SCN8A: variants seen among roughly 807,000 people sequenced by gnomAD.
SCN8A encodes sodium channel protein type 8 subunit alpha.
A neutral mutation model predicts 184.1 loss-of-function variants in SCN8A; 30 were observed. The ratio of observed to expected loss-of-function variants is 0.16; its 90% confidence interval spans 0.12 to 0.22. SCN8A has a LOEUF of 0.22. Among genes scored for constraint, SCN8A ranks in the 10% least tolerant of loss-of-function variants. SCN8A has a pLI of 1.00. For missense variants in SCN8A, 1,057 were observed against 2,498.9 expected (o/e 0.42, Z 12.30); for synonymous variants, 852 against 907.0 (o/e 0.94, Z 1.09).
intron 3 of SCN8A, 81 bp downstream of exon 3, chr12:51,684,373 T>C: frequency 3.9e-6 from 3 of 762,152 alleles, no homozygotes; most frequent in Non-Finnish European, 7.1e-6. Flanking sequence ...ACAACTGGAT[T>C]ATATGTTAAG....
intron 5 of SCN8A, chr12:51,688,727 A>C: frequency 6.6e-7 from 1 of 1,513,770 alleles, no homozygotes; most frequent in African/African-American, 1.4e-5. Context: ...CAGTGGTACC[A>C]TTACAAGTTA....
At chr12:51,803,358 C>T (rs181886959) in intron 26 of SCN8A, among the ~76,000 whole-genome samples, 3 of 151,968 alleles carry the variant, frequency 2.0e-5, no homozygotes, top group East Asian at 1.9e-4. Flanking sequence ...AGTTGGCAGC[C>T]GATTAGATGG....
chr12:51,648,310 C>T (rs1009402267), intron 1 of SCN8A, among the ~76,000 whole-genome samples: 14 of 152,224 alleles, frequency 9.2e-5, no homozygotes, highest in Admixed American at 1.3e-4. Context: ...TCAAGAAACC[C>T]TCCTGCCTCA....
At chr12:51,793,427 T>A (rs1190103607) in intron 25 of SCN8A, among the ~76,000 whole-genome samples, 1 of 152,030 alleles carries the variant, frequency 6.6e-6, no homozygotes, top group Non-Finnish European at 1.5e-5. Context: ...AAGTTTGAGA[T>A]GCTTATGAGT....
intron 15 of SCN8A, among the ~76,000 whole-genome samples, chr12:51,763,045 A>T (rs991756644): frequency 1.3e-5 from 2 of 152,322 alleles, no homozygotes; most frequent in South Asian, 4.1e-4. Flanking sequence ...CTATTTTTTT[A>T]AATCTGAACA....
chr12:51,618,067 C>T (rs958275427), intron 1 of SCN8A, among the ~76,000 whole-genome samples: 2 of 152,136 alleles, frequency 1.3e-5, no homozygotes, highest in African/African-American at 2.4e-5. Context: ...ATCCTGCTAC[C>T]CTGCCTAGAA....
chr12:51,800,002 C>T (rs539240701), intron 26 of SCN8A, among the ~76,000 whole-genome samples: 4 of 152,316 alleles, frequency 2.6e-5, no homozygotes, highest in Admixed American at 1.3e-4. Context: ...TGGGTCCAGT[C>T]GGCATAATGT....
At chr12:51,603,874 T>C (rs77913380) in intron 1 of SCN8A, among the ~76,000 whole-genome samples, 1,648 of 152,320 alleles carry the variant, frequency 0.011, 14 homozygotes, top group Non-Finnish European at 0.016. Flanking sequence ...TCTGTTGAAA[T>C]GTTTTGCCCA....
chr12:51,700,131 A>G (rs1941660440), intron 7 of SCN8A, among the ~76,000 whole-genome samples: 1 of 149,182 alleles, frequency 6.7e-6, no homozygotes, highest in South Asian at 2.1e-4. Context: ...ACGCCATTGT[A>G]CTCCAGCCTG....
intron 1 of SCN8A, among the ~76,000 whole-genome samples, chr12:51,596,375 G>A (rs953449098): frequency 1.3e-5 from 2 of 152,126 alleles, no homozygotes; most frequent in Admixed American, 6.5e-5. Context: ...ACTGAGTATC[G>A]AAGAGCTTAA....
At chr12:51,687,406 A>G (rs1405537133) in intron 5 of SCN8A, among the ~76,000 whole-genome samples, 187 bp downstream of exon 5, 1 of 152,142 alleles carries the variant, frequency 6.6e-6, no homozygotes, top group Non-Finnish European at 1.5e-5. Context: ...GGTTCAGGCG[A>G]TGATAATGTG....
chr12:51,763,996 T>G (rs532125848), intron 15 of SCN8A, among the ~76,000 whole-genome samples: 2 of 152,208 alleles, frequency 1.3e-5, no homozygotes, highest in Non-Finnish European at 2.9e-5. Flanking sequence ...ACTCTTTGGT[T>G]AGGATCCAGT....
intron 15 of SCN8A, among the ~76,000 whole-genome samples, chr12:51,763,467 G>A (rs1942792562): frequency 6.6e-6 from 1 of 152,194 alleles, no homozygotes. Context: ...TTTACTTACA[G>A]CAGTTTCAAC....
At chr12:51,674,155 G>A (rs1941180937) in intron 2 of SCN8A, among the ~76,000 whole-genome samples, 1 of 152,120 alleles carries the variant, frequency 6.6e-6, no homozygotes. Flanking sequence ...GCATCCTAAG[G>A]GGTTTTGTTT....
intron 12 of SCN8A, among the ~76,000 whole-genome samples, chr12:51,727,676 T>A (rs1354708524): frequency 6.6e-6 from 1 of 152,198 alleles, no homozygotes; most frequent in Non-Finnish European, 1.5e-5. Context: ...TTCAGTTGTC[T>A]GATTTAACAT....
chr12:51,707,661 T>G (rs1592394619), intron 11 of SCN8A, among the ~76,000 whole-genome samples: 1 of 152,348 alleles, frequency 6.6e-6, no homozygotes, highest in East Asian at 1.9e-4. Context: ...ATCAATATTT[T>G]GCATCCTTCA....
chr12:51,604,956 A>G (rs950960211), intron 1 of SCN8A, among the ~76,000 whole-genome samples: 1 of 152,146 alleles, frequency 6.6e-6, no homozygotes, highest in African/African-American at 2.4e-5. Flanking sequence ...GGTTATAAGC[A>G]TAGTACCTGA....
At chr12:51,727,239 T>G (rs1427949723) in intron 12 of SCN8A, among the ~76,000 whole-genome samples, 6 of 152,078 alleles carry the variant, frequency 3.9e-5, no homozygotes, top group African/African-American at 1.4e-4. Flanking sequence ...TCCAAAGAAC[T>G]TACTTAAGGT....
rs1272612998 is a variant in SCN8A at position 51,745,776 on chromosome 12, A to G, written c.1999-127A>G. 5 of 635,104 alleles carry G rather than the reference A, an allele frequency of 7.9e-6. 1 individual carries two copies. The highest frequency in any genetic ancestry group is 4.9e-6 in the Non-Finnish European group (2 of 412,050). 39.3% of individuals were successfully genotyped at this position (635,104 alleles called of 1,614,324 possible). A position where few individuals can be genotyped will look rare whatever the true frequency, so the allele number is the denominator to read the frequency against. The stretch of plus-strand genomic sequence containing the variant: ...TTTCATTCTACTTCTTGAAGTGAAT[A>G]GGACTGTAGGATCAAAGTTAAAGAC... On this transcript the variant is annotated intron_variant, in intron 12 of 26. Transcript: ENST00000627620.
Sources: allele counts gnomAD v4.1 joint callset (sites outside exome capture counted in the v4.1 genomes callset), GRCh38; gene constraint gnomAD v4.1.1; transcripts MANE v1.5; gene names NCBI Gene and HGNC (gene_info 2026-07-23, HGNC 2026-07-21).